The following PDE4D variants were observed in gnomAD, a reference collection of about 807,000 sequenced individuals.
PDE4D encodes phosphodiesterase 4D, also known as 3',5'-cyclic-AMP phosphodiesterase 4D.
PDE4D carries 24 observed loss-of-function variants against 87.4 expected under a neutral mutation model. That is an observed-to-expected ratio of 0.27 (90% CI 0.20 to 0.39). The LOEUF is 0.39. Among genes scored for constraint, PDE4D ranks in the 10% least tolerant of loss-of-function variants. The probability of loss-of-function intolerance (pLI) is 1.00; values close to 1 mark genes in which losing one functional copy is unlikely to be tolerated. For missense variants in PDE4D, 714 were observed against 1,041.0 expected (o/e 0.69, Z 4.32); for synonymous variants, 384 against 383.2 (o/e 1.00, Z -0.02).
chr5:59,246,631 T>C (rs1204570345), intron 1 of PDE4D, among the ~76,000 whole-genome samples: 1 of 152,166 alleles, frequency 6.6e-6, no homozygotes, highest in Non-Finnish European at 1.5e-5. Context: ...CTAATAGTTC[T>C]ATAATTTTTA....
At chr5:60,154,071 A>C (rs1263795491) in intron 2 of PDE4D, among the ~76,000 whole-genome samples, 1 of 152,182 alleles carries the variant, frequency 6.6e-6, no homozygotes. Flanking sequence ...AAATAACACT[A>C]AGATTTGTTT....
chr5:59,393,756 C>T (rs770829789), intron 1 of PDE4D, among the ~76,000 whole-genome samples: 9 of 152,196 alleles, frequency 5.9e-5, no homozygotes, highest in African/African-American at 1.9e-4. Flanking sequence ...AGACACCATG[C>T]AAAACTCATC....
At chr5:60,319,889 C>T (rs1395617181) in intron 1 of PDE4D, among the ~76,000 whole-genome samples, 1 of 152,162 alleles carries the variant, frequency 6.6e-6, no homozygotes, top group Non-Finnish European at 1.5e-5. Flanking sequence ...GTCAGTCTGC[C>T]CCTACTGGGG....
At chr5:59,119,543 A>G (rs1774142236) in intron 5 of PDE4D, among the ~76,000 whole-genome samples, 1 of 152,214 alleles carries the variant, frequency 6.6e-6, no homozygotes, top group South Asian at 2.1e-4. Context: ...TTTCTACCCT[A>G]CGTATAACTT....
intron 1 of PDE4D, among the ~76,000 whole-genome samples, chr5:59,876,563 ACT>A (rs1199818723): frequency 5.9e-5 from 9 of 151,992 alleles, no homozygotes; most frequent in Non-Finnish European, 1.3e-4. Flanking sequence ...CTAAGTTATG[ACT>A]CTATCTGCTA....
chr5:60,015,250 A>G (rs1765395769), intron 2 of PDE4D, among the ~76,000 whole-genome samples: 1 of 152,228 alleles, frequency 6.6e-6, no homozygotes, highest in Non-Finnish European at 1.5e-5. Flanking sequence ...AGACTTTCTG[A>G]AAAGGGACAA....
At chr5:60,096,128 T>C (rs1311461804) in intron 2 of PDE4D, among the ~76,000 whole-genome samples, 1 of 152,178 alleles carries the variant, frequency 6.6e-6, no homozygotes, top group Non-Finnish European at 1.5e-5. Context: ...TTGGCTTTTG[T>C]TGCCATTGCT....
intron 1 of PDE4D, among the ~76,000 whole-genome samples, chr5:59,512,385 C>T (rs531926084): frequency 2.6e-5 from 4 of 152,218 alleles, no homozygotes; most frequent in South Asian, 2.1e-4. Context: ...GATCAATCAA[C>T]GTGCTCTTTT....
intron 2 of PDE4D, among the ~76,000 whole-genome samples, chr5:60,049,811 G>T (rs1457478709): frequency 1.3e-5 from 2 of 152,324 alleles, no homozygotes; most frequent in South Asian, 4.1e-4. Context: ...GGTCACTGCT[G>T]TCTTTTTGTT....
At chr5:59,803,029 G>A (rs1369010967) in intron 1 of PDE4D, among the ~76,000 whole-genome samples, 1 of 152,106 alleles carries the variant, frequency 6.6e-6, no homozygotes, top group African/African-American at 2.4e-5. Flanking sequence ...AATGATTTAG[G>A]ATGGTAAATA....
intron 1 of PDE4D, among the ~76,000 whole-genome samples, chr5:60,420,097 G>A (rs1465316283): frequency 6.6e-6 from 1 of 152,204 alleles, no homozygotes. Flanking sequence ...CAGGTTGAGA[G>A]AACAGAAATA....
chr5:59,500,927 CTT>C (rs376925617), intron 1 of PDE4D, among the ~76,000 whole-genome samples: 12 of 152,008 alleles, frequency 7.9e-5, no homozygotes, highest in African/African-American at 2.9e-4. Context: ...TGCTGTATCC[CTT>C]TCTCATTTTT....
rs560736898 is a variant in PDE4D, at chr5:60,502,077, C to A, written n.70+19974G>T. Among the ~76,000 whole-genome samples the A allele has an allele frequency of 5.1e-4, 78 of 152,000 alleles. 1 individual carries two copies. In the East Asian group the frequency reaches 0.015, roughly 29 times the overall value. On this transcript the variant is annotated intron_variant and non_coding_transcript_variant, in intron 1 of 2. Transcript: ENST00000506510. The stretch of plus-strand genomic sequence containing the variant: ...GTGTTTTAGACATGAAGTCCTTGCC[C>A]ATGCCTATGTCCTGAATGGTAATGC...
At chr5:59,191,472 A>T (rs1431676312) in intron 3 of PDE4D, among the ~76,000 whole-genome samples, 1 of 152,038 alleles carries the variant, frequency 6.6e-6, no homozygotes, top group Non-Finnish European at 1.5e-5. Flanking sequence ...AATTGGAATG[A>T]TTGGTTCTAT....
At chr5:60,349,394 CA>C (rs1159459111) in intron 1 of PDE4D, among the ~76,000 whole-genome samples, 2 of 152,116 alleles carry the variant, frequency 1.3e-5, no homozygotes, top group African/African-American at 4.8e-5. Context: ...TAAGGAAAAT[CA>C]AATAGAGACT....
intron 1 of PDE4D, among the ~76,000 whole-genome samples, chr5:59,832,532 C>T (rs1169962488): frequency 1.3e-5 from 2 of 151,986 alleles, no homozygotes; most frequent in African/African-American, 4.8e-5. Context: ...ATCATGAATC[C>T]CCATTGCTTC....
chr5:59,069,536 C>T (rs1205350400), intron 5 of PDE4D, among the ~76,000 whole-genome samples: 1 of 150,272 alleles, frequency 6.7e-6, no homozygotes, highest in Non-Finnish European at 1.5e-5. Context: ...TCCCTAATCC[C>T]GTGGGGAAGC....
intron 1 of PDE4D, among the ~76,000 whole-genome samples, chr5:59,461,313 G>A (rs939986080): frequency 5.3e-5 from 8 of 152,000 alleles, no homozygotes; most frequent in South Asian, 2.1e-4. Flanking sequence ...AGAGAGAAGC[G>A]AAGATTATAA....
chr5:59,810,033 A>G (rs1768169003), intron 1 of PDE4D, among the ~76,000 whole-genome samples: 1 of 152,226 alleles, frequency 6.6e-6, no homozygotes, highest in Admixed American at 6.5e-5. Context: ...TGAAATGTCT[A>G]TTATGTTTTA....
Sources: allele counts gnomAD v4.1 joint callset (sites outside exome capture counted in the v4.1 genomes callset), GRCh38; gene constraint gnomAD v4.1.1; transcripts MANE v1.5; gene names NCBI Gene and HGNC (gene_info 2026-07-23, HGNC 2026-07-21).